Variants in JMJD1C observed in about 807,000 individuals in gnomAD.
JMJD1C encodes the protein jumonji domain containing 1C.
Under a neutral mutation model 245.3 loss-of-function variants are expected in JMJD1C, and 31 were observed. That is an observed-to-expected ratio of 0.13 (90% CI 0.09 to 0.17). The LOEUF (loss-of-function observed/expected upper bound fraction) is 0.17. JMJD1C is among the 10% of genes least tolerant of loss of function. JMJD1C has a pLI of 1.00. For synonymous variants in JMJD1C, 1,057 were observed against 1,017.4 expected, an observed-to-expected ratio of 1.04 and a Z score of -0.74; for missense variants, 2,691 against 3,000.2, an observed-to-expected ratio of 0.90 and a Z score of 2.41.
At chr10:63,371,919 AT>A (rs1244942538) in intron 2 of JMJD1C, among the ~76,000 whole-genome samples, 10 of 152,218 alleles carry the variant, frequency 6.6e-5, no homozygotes, top group African/African-American at 2.4e-4. Context: ...GCAACTGTTT[AT>A]TCTAATTGTG....
intron 1 of JMJD1C, among the ~76,000 whole-genome samples, chr10:63,432,041 G>A (rs963066812): frequency 1.3e-5 from 2 of 152,216 alleles, no homozygotes; most frequent in East Asian, 3.9e-4. Flanking sequence ...ACTCACTTTT[G>A]TAACTGTTGC....
rs1950531427 is a variant in JMJD1C, at chr10:63,427,861, G to A, written c.168+37634C>T. ...GACAGCCAAGGAAGCCAAGGAGCAG[G>A]CAAAGGAGATGGCACTGGCAGCTAC... On this transcript the variant is annotated intron_variant, in intron 1 of 25. Coordinates refer to ENST00000399262, the MANE Select transcript of JMJD1C (RefSeq NM_032776.3). 3.4e-6 allele frequency: 3 copies of A among 885,484 alleles called. No homozygotes were observed. The African/African-American group carries it at 4.9e-5, about 15-fold the overall frequency. 54.9% of individuals were successfully genotyped at this position (885,484 alleles called of 1,614,324 possible).
intron 2 of JMJD1C, among the ~76,000 whole-genome samples, chr10:63,311,336 G>A (rs760601876): frequency 1.1e-4 from 16 of 152,000 alleles, no homozygotes; most frequent in South Asian, 2.1e-4. Context: ...CTGAGATGGC[G>A]CCATTGCACT....
intron 13 of JMJD1C, among the ~76,000 whole-genome samples, chr10:63,195,822 G>A (rs1054570005): frequency 4.6e-5 from 7 of 152,212 alleles, no homozygotes; most frequent in African/African-American, 1.7e-4. Flanking sequence ...CCAGCTACTC[G>A]GAGAGACTAG....
intron 2 of JMJD1C, among the ~76,000 whole-genome samples, chr10:63,350,566 G>A (rs1944266672): frequency 6.6e-6 from 1 of 151,860 alleles, no homozygotes; most frequent in African/African-American, 2.4e-5. Context: ...AATTACAGAG[G>A]GAGTTAAGCA....
In JMJD1C at chr10:63,209,069, T is replaced by G; in HGVS notation, c.2861A>C (p.His954Pro). 6.2e-7 allele frequency: 1 copy of G among 1,612,084 alleles called. No individual in the cohort carries two copies. Among genetic ancestry groups the G allele is most frequent in the South Asian group, 1.1e-5 (1 of 90,700 alleles). Residue 954 changes from histidine (H) to proline (P), a missense_variant, in exon 9 of 26, where the codon CAT (histidine) becomes CCT (proline). Transcript: ENST00000399262. ...TAAGCACTGGTGAACTTACTCCTTATGATGATCTACTAAAGTTTTTGTCAA... is the reference window on the plus strand; with the variant it reads ...TAAGCACTGGTGAACTTACTCCTTAGGATGATCTACTAAAGTTTTTGTCAA... ...PPLTKTLVDH[H>P]KEELERKAFM...
intron 13 of JMJD1C, 163 bp from the exon 14 acceptor site, chr10:63,194,538 T>G: frequency 3.9e-6 from 2 of 511,336 alleles, no homozygotes; most frequent in Non-Finnish European, 7.0e-6. Flanking sequence ...GTCAATGATA[T>G]GCTTTAGATG....
At chr10:63,315,714 C>T (rs923491432) in intron 2 of JMJD1C, among the ~76,000 whole-genome samples, 12 of 151,764 alleles carry the variant, frequency 7.9e-5, no homozygotes, top group Admixed American at 2.6e-4. Context: ...GTGGCATGCA[C>T]CTGTAGTCCC....
intron 1 of JMJD1C, among the ~76,000 whole-genome samples, chr10:63,382,548 A>C (rs1481360858): frequency 1.3e-5 from 2 of 152,212 alleles, no homozygotes; most frequent in African/African-American, 4.8e-5. Context: ...AAAATATCTA[A>C]ATATAAAAAG....
intron 23 of JMJD1C, 88 bp from the exon 24 acceptor site, chr10:63,176,561 CA>C: frequency 1.1e-6 from 1 of 951,112 alleles, no homozygotes; most frequent in Non-Finnish European, 1.6e-6. Context: ...TTTGTAATAA[CA>C]AATCTTTTCT....
intron 2 of JMJD1C, among the ~76,000 whole-genome samples, chr10:63,361,433 G>GT (rs1337046232): frequency 2.6e-5 from 4 of 152,128 alleles, no homozygotes; most frequent in Non-Finnish European, 4.4e-5. Flanking sequence ...CAATAAATAA[G>GT]TAAGTACATA....
At chr10:63,280,111 A>G (rs1482684605) in intron 2 of JMJD1C, among the ~76,000 whole-genome samples, 3 of 152,148 alleles carry the variant, frequency 2.0e-5, no homozygotes, top group African/African-American at 7.2e-5. Flanking sequence ...AGGTCATGCC[A>G]CTGCACTCAA....
chr10:63,268,984 G>A (rs1053737408), intron 2 of JMJD1C: 34 of 985,362 alleles, frequency 3.5e-5, no homozygotes, highest in Non-Finnish European at 4.0e-5. Context: ...ATTACAACTC[G>A]CTCTTTGTCA....
chr10:63,505,375 C>G (rs1390591722), intron 1 of JMJD1C, among the ~76,000 whole-genome samples: 1 of 151,180 alleles, frequency 6.6e-6, no homozygotes, highest in Non-Finnish European at 1.5e-5. Flanking sequence ...CATGTTCCTC[C>G]TTAGAACCAG....
chr10:63,427,420 C>T (rs974927590), intron 1 of JMJD1C: 13 of 1,116,180 alleles, frequency 1.2e-5, no homozygotes, highest in Middle Eastern at 2.0e-4. Context: ...CACAGTACAC[C>T]GGGAGGTGAC....
At chr10:63,223,055 T>A in intron 3 of JMJD1C, 3 of 1,128,428 alleles carry the variant, frequency 2.7e-6, no homozygotes, top group Non-Finnish European at 2.6e-6. Flanking sequence ...ATAATTGGTA[T>A]ATGTCTTCCA....
chr10:63,274,605 T>C (rs189241047), intron 2 of JMJD1C, among the ~76,000 whole-genome samples: 2 of 152,074 alleles, frequency 1.3e-5, no homozygotes, highest in South Asian at 4.1e-4. Context: ...AATAACTCCA[T>C]GCAGATCTTC....
At chr10:63,358,693 T>C (rs547994924) in intron 2 of JMJD1C, 3 of 152,244 alleles carry the variant, frequency 2.0e-5, no homozygotes, top group African/African-American at 7.2e-5. Flanking sequence ...TTTGAACATA[T>C]GGCAGTAGAA....
At chr10:63,171,119 G>A (rs1842310023) in intron 24 of JMJD1C, among the ~76,000 whole-genome samples, 1 of 151,886 alleles carries the variant, frequency 6.6e-6, no homozygotes, top group Non-Finnish European at 1.5e-5. Context: ...CATGATAAAT[G>A]ACCAAACACA....
Sources: gnomAD v4.1 joint callset for allele counts (sites outside exome capture counted in the v4.1 genomes callset) on GRCh38, gnomAD v4.1.1 for gene constraint, MANE v1.5 for transcripts, NCBI Gene and HGNC (gene_info 2026-07-23, HGNC 2026-07-21) for gene names.